The following MGA variants were observed in gnomAD, a reference collection of about 807,000 sequenced individuals.
MGA encodes the protein MAX gene-associated protein.
In MGA, 40 loss-of-function variants were observed where a neutral mutation model predicts 261.1. The ratio of observed to expected loss-of-function variants is 0.15; its 90% confidence interval spans 0.12 to 0.20. The LOEUF (loss-of-function observed/expected upper bound fraction) is 0.20, where lower values mean the gene tolerates loss of function less well. Ranked by LOEUF, MGA falls within the 10% of genes least tolerant of loss-of-function variation. MGA has a pLI of 1.00. For synonymous variants in MGA, 1,302 were observed against 1,290.6 expected (o/e 1.01, Z -0.19); for missense variants, 3,397 against 3,630.5 (o/e 0.94, Z 1.65).
At position 41,696,144 on chromosome 15, in the gene MGA, T is replaced by C. The variant is rs2059542559; in HGVS notation, c.1134T>C (p.Asn378=). 6.2e-7 allele frequency: 1 copy of C among 1,613,924 alleles called. No individual in the cohort carries two copies. Among genetic ancestry groups the C allele is most frequent in the South Asian group, 1.1e-5 (1 of 91,082 alleles). The change falls in exon 3 of 24, where the codon AAT becomes AAC. Residue 378 remains asparagine, a synonymous_variant. Transcript: ENST00000219905. Reference sequence around the variant, plus strand: ...CGTTAGACCAGAACGGAAGCTTCAATGTTGTTATTAAAGAGGAACCTCTAG... The same window carrying C: ...CGTTAGACCAGAACGGAAGCTTCAACGTTGTTATTAAAGAGGAACCTCTAG...
intron 9 of MGA, among the ~76,000 whole-genome samples, chr15:41,722,556 G>T (rs993460479): frequency 6.6e-6 from 1 of 152,100 alleles, no homozygotes; most frequent in Admixed American, 6.6e-5. Context: ...ATTGAGAAAG[G>T]GTTCTGGAAT....
upstream of MGA, among the ~76,000 whole-genome samples, chr15:41,657,754 T>C (rs555948871): frequency 1.3e-5 from 2 of 152,314 alleles, no homozygotes; most frequent in South Asian, 4.1e-4. Context: ...TGTTCTTTAT[T>C]ATATTGATAT....
intron 1 of MGA, among the ~76,000 whole-genome samples, chr15:41,649,695 A>G (rs917605946): frequency 6.6e-6 from 1 of 151,810 alleles, no homozygotes; most frequent in Non-Finnish European, 1.5e-5. Flanking sequence ...TTGTTTGTTT[A>G]TTGAGCTGGA....
intron 1 of MGA, among the ~76,000 whole-genome samples, chr15:41,653,387 AAAC>A (rs1426514711): frequency 6.6e-6 from 1 of 151,804 alleles, no homozygotes; most frequent in Non-Finnish European, 1.5e-5. Flanking sequence ...AAACAACAAA[AAAC>A]AACAAACAAA....
chr15:41,761,648 G>GT (rs1473135295), intron 20 of MGA, 91 bp from the exon 21 acceptor site: 51 of 659,264 alleles, frequency 7.7e-5, no homozygotes, highest in Middle Eastern at 2.6e-4. Context: ...GTCAGATTAA[G>GT]TTTTTTTTCA....
At chr15:41,747,547 A>C (rs1175241826) in intron 15 of MGA, among the ~76,000 whole-genome samples, 1 of 151,428 alleles carries the variant, frequency 6.6e-6, no homozygotes, top group Non-Finnish European at 1.5e-5. Flanking sequence ...CCTGGGCAAC[A>C]TAGCAAACTC....
intron 1 of MGA, among the ~76,000 whole-genome samples, chr15:41,642,974 C>T (rs1397419539): frequency 6.7e-6 from 1 of 149,346 alleles, no homozygotes; most frequent in African/African-American, 2.5e-5. Flanking sequence ...AGTGCAGTGG[C>T]ATGGTCAGGG....
At chr15:41,639,515 T>G (rs898606721) in intron 1 of MGA, among the ~76,000 whole-genome samples, 2 of 142,726 alleles carry the variant, frequency 1.4e-5, no homozygotes, top group African/African-American at 5.5e-5. Context: ...GAGCATGTAG[T>G]TTTTTTTTTT....
intron 1 of MGA, among the ~76,000 whole-genome samples, chr15:41,661,636 G>A (rs565417097): frequency 1.3e-5 from 2 of 152,286 alleles, no homozygotes; most frequent in Non-Finnish European, 2.9e-5. Flanking sequence ...CGCCTCGCCG[G>A]AGCAAACACG....
intron 9 of MGA, among the ~76,000 whole-genome samples, chr15:41,723,932 G>A (rs1374533516): frequency 6.6e-6 from 1 of 151,262 alleles, no homozygotes; most frequent in African/African-American, 2.4e-5. Context: ...GATATTAAGA[G>A]AAATATGAAT....
At chr15:41,697,933 A>G (rs924638942) in intron 3 of MGA, among the ~76,000 whole-genome samples, 2 of 152,062 alleles carry the variant, frequency 1.3e-5, no homozygotes, top group African/African-American at 2.4e-5. Flanking sequence ...CAGTAGCGCA[A>G]TCTTGGCTCA....
upstream of MGA, among the ~76,000 whole-genome samples, chr15:41,656,939 A>C (rs936595835): frequency 6.6e-6 from 1 of 151,882 alleles, no homozygotes; most frequent in Non-Finnish European, 1.5e-5. Flanking sequence ...CACTTGGCTA[A>C]TTTTTTAATA....
chr15:41,769,060 T>A lies in MGA; in HGVS notation c.*1780T>A, dbSNP rs1309168635. On this transcript the variant is annotated 3_prime_UTR_variant, in exon 24 of 24. Transcript: ENST00000219905. ...CCTTCCACTCTTTACCCAGCAGATT[T>A]CATTCAATGCCTTAGCCAAGGAGTC... The A allele has an allele frequency of 6.6e-6, 1 of 152,640 alleles. No homozygotes were observed. Among genetic ancestry groups the A allele is most frequent in the Non-Finnish European group, 1.5e-5 (1 of 68,068 alleles). 9.5% of individuals were successfully genotyped at this position (152,640 alleles called of 1,614,324 possible).
In MGA at chr15:41,750,455, C is replaced by T; in HGVS notation, c.6848C>T (p.Pro2283Leu). 1 of 1,613,884 alleles carries T rather than the reference C, an allele frequency of 6.2e-7. No homozygotes were observed. The highest frequency in any genetic ancestry group is 8.5e-7 in the Non-Finnish European group (1 of 1,179,868). Residue 2283 changes from proline to leucine, a missense_variant, in exon 17 of 24, where the codon CCA becomes CTA. By Grantham distance (98) the Pro-to-Leu change is moderately conservative (BLOSUM62 -3). Coordinates refer to ENST00000219905, the MANE Select transcript of MGA (RefSeq NM_001164273.2). Reference sequence around the variant, plus strand: ...CTGCTACCTGGAGAACAGATACAACCAAAGCAAGAGAAGAAGGGTGGGAGA... The same window carrying T: ...CTGCTACCTGGAGAACAGATACAACTAAAGCAAGAGAAGAAGGGTGGGAGA...
At chr15:41,764,653 C>G (rs2063701168) in intron 22 of MGA, among the ~76,000 whole-genome samples, 1 of 152,100 alleles carries the variant, frequency 6.6e-6, no homozygotes. Flanking sequence ...CCCACCTCAG[C>G]CTTCCTAGTA....
chr15:41,624,267 A>G (rs1448248027), intron 1 of MGA, among the ~76,000 whole-genome samples: 1 of 144,598 alleles, frequency 6.9e-6, no homozygotes, highest in African/African-American at 2.6e-5. Context: ...TTATTTTTTG[A>G]GATGGAGTCC....
intron 2 of MGA, among the ~76,000 whole-genome samples, chr15:41,670,802 G>A (rs1290682220): frequency 6.6e-6 from 1 of 152,176 alleles, no homozygotes; most frequent in Non-Finnish European, 1.5e-5. Flanking sequence ...CACCGTGCCC[G>A]GCCGTAAGCA....
At position 41,634,822 on chromosome 15, in the gene MGA, T is replaced by G. The variant is rs377198264; in HGVS notation, c.-68+13524T>G. 3.0e-4 allele frequency among the ~76,000 whole-genome samples: 45 copies of G among 152,256 alleles called. 1 individual carries two copies. The highest frequency in any genetic ancestry group is 1.1e-3 in the African/African-American group (44 of 41,552). ...TAAAGAGAGGGAGGGAGGGTTATGG[T>G]CCCACCATTGAGACCTCGAGCTTCA... On this transcript the variant is annotated intron_variant, in intron 1 of 8. Coordinates refer to the MGA transcript ENST00000566718.
chr15:41,637,236 C>A (rs1403661512), intron 1 of MGA, among the ~76,000 whole-genome samples: 1 of 151,998 alleles, frequency 6.6e-6, no homozygotes, highest in African/African-American at 2.4e-5. Flanking sequence ...TGGAAAGAAC[C>A]AGGGTTGAGG....
Sources: allele counts gnomAD v4.1 joint callset (sites outside exome capture counted in the v4.1 genomes callset), GRCh38; gene constraint gnomAD v4.1.1; transcripts MANE v1.5; gene names NCBI Gene and HGNC (gene_info 2026-07-23, HGNC 2026-07-21).